Variants in UGGT2 observed in about 807,000 individuals in gnomAD.
The protein encoded by UGGT2 is UDP-glucose:glycoprotein glucosyltransferase 2.
Under a neutral mutation model 192.1 loss-of-function variants are expected in UGGT2, and 180 were observed. The ratio of observed to expected loss-of-function variants is 0.94; its 90% confidence interval spans 0.83 to 1.06. The LOEUF is 1.06. Among genes scored for constraint, UGGT2 ranks in the 50% least tolerant of loss-of-function variants. The pLI is 0.00. For synonymous variants in UGGT2, 580 were observed against 591.0 expected (o/e 0.98, Z 0.27); for missense variants, 1,849 against 1,795.7 (o/e 1.03, Z -0.54).
chr13:95,954,050 G>A (rs2050143468), intron 12 of UGGT2, among the ~76,000 whole-genome samples: 1 of 152,100 alleles, frequency 6.6e-6, no homozygotes, highest in Non-Finnish European at 1.5e-5. Flanking sequence ...CTTTTTCAGT[G>A]CTCACATGAT....
intron 31 of UGGT2, 163 bp downstream of exon 31, chr13:95,863,466 T>C: frequency 1.7e-6 from 1 of 581,222 alleles, no homozygotes; most frequent in Non-Finnish European, 3.1e-6. Context: ...CTTATAGCTC[T>C]AGTTTCCTAT....
At chr13:95,887,320 CA>C (rs775704336) in intron 26 of UGGT2, 2 of 514,814 alleles carry the variant, frequency 3.9e-6, no homozygotes, top group Non-Finnish European at 7.7e-6. Flanking sequence ...ATATTCCCAT[CA>C]ATAAGAATGG....
At chr13:95,948,218 TACACACACACAC>T (rs149949392) in intron 13 of UGGT2, 137 bp from the exon 14 acceptor site, 7 of 317,714 alleles carry the variant, frequency 2.2e-5, no homozygotes, top group African/African-American at 4.5e-5. Flanking sequence ...TTCTAAGGAA[TACACACACACAC>T]ACACACACAC....
intron 9 of UGGT2, chr13:95,985,270 G>C: frequency 7.8e-7 from 1 of 1,282,158 alleles, no homozygotes. Context: ...TTATATAAAT[G>C]ACGACTTCTC....
chr13:95,975,961 T>C (rs1481918988), intron 10 of UGGT2, among the ~76,000 whole-genome samples: 1 of 152,174 alleles, frequency 6.6e-6, no homozygotes, highest in East Asian at 1.9e-4. Flanking sequence ...TTTCTTAATG[T>C]AGGGGACATT....
chr13:95,973,906 A>C (rs1434595180), intron 10 of UGGT2, among the ~76,000 whole-genome samples: 1 of 152,226 alleles, frequency 6.6e-6, no homozygotes, highest in Admixed American at 6.5e-5. Context: ...TGTCACCTAT[A>C]AAGTGCTCAC....
chr13:96,034,038 G>A (rs886649598), intron 1 of UGGT2, among the ~76,000 whole-genome samples: 112 of 152,214 alleles, frequency 7.4e-4, no homozygotes, highest in African/African-American at 2.6e-3. Flanking sequence ...TTTTTGTCCC[G>A]GCCTACCCAG....
intron 1 of UGGT2, among the ~76,000 whole-genome samples, chr13:96,047,998 T>G (rs574582909): frequency 6.6e-6 from 1 of 152,278 alleles, no homozygotes; most frequent in East Asian, 1.9e-4. Flanking sequence ...AATAGACATC[T>G]ACAGAACTCT....
chr13:95,908,519 C>T (rs1055251807), intron 20 of UGGT2, among the ~76,000 whole-genome samples: 13 of 152,270 alleles, frequency 8.5e-5, no homozygotes, highest in African/African-American at 3.1e-4. Flanking sequence ...TGAGGAATCG[C>T]CACACTGACT....
At chr13:95,814,270 C>T (rs758487589) in intron 38 of UGGT2, among the ~76,000 whole-genome samples, 7 of 152,236 alleles carry the variant, frequency 4.6e-5, no homozygotes, top group Non-Finnish European at 1.0e-4. Flanking sequence ...AGGCACTCAA[C>T]TCTAGCCTGT....
At chr13:95,903,841 G>C (rs2048186414) in intron 20 of UGGT2, among the ~76,000 whole-genome samples, 1 of 152,100 alleles carries the variant, frequency 6.6e-6, no homozygotes, top group Non-Finnish European at 1.5e-5. Context: ...ATAACAAACA[G>C]TTCCATTACC....
At position 95,983,847 on chromosome 13, in the gene UGGT2, G is replaced by A; in HGVS notation, c.1049C>T (p.Ala350Val). 4 of 1,566,722 alleles carry A rather than the reference G, an allele frequency of 2.6e-6. No homozygotes were observed. In the South Asian group the frequency reaches 3.6e-5, roughly 14 times the overall value. ...PIKARSLTRIAVNQHMREEIK... is the reference protein window; with the variant it reads ...PIKARSLTRIVVNQHMREEIK... The stretch of plus-strand genomic sequence containing the variant: ...TTCTTCTCTCATATGTTGATTTACA[G>A]CAATTCTGGTTAGAGATCTGGAAAA... Residue 350 changes from alanine to valine, a missense_variant, in exon 10 of 39, where the codon GCT becomes GTT. Coordinates refer to ENST00000376747, the MANE Select transcript of UGGT2 (RefSeq NM_020121.4).
At chr13:95,949,865 TA>T (rs763401074) in intron 12 of UGGT2, among the ~76,000 whole-genome samples, 59 of 152,276 alleles carry the variant, frequency 3.9e-4, no homozygotes, top group Admixed American at 7.2e-4. Flanking sequence ...AATTAAATTA[TA>T]AAATCAACAT....
At chr13:95,931,458 G>A (rs1289805754) in intron 17 of UGGT2, among the ~76,000 whole-genome samples, 1 of 151,962 alleles carries the variant, frequency 6.6e-6, no homozygotes, top group East Asian at 1.9e-4. Flanking sequence ...CCCTTGAGCG[G>A]TCAATGGGAC....
At chr13:95,981,643 CT>C (rs574774989) in intron 10 of UGGT2, among the ~76,000 whole-genome samples, 1 of 152,102 alleles carries the variant, frequency 6.6e-6, no homozygotes, top group African/African-American at 2.4e-5. Context: ...ATTATTACTT[CT>C]TTTTTCGGTG....
intron 5 of UGGT2, among the ~76,000 whole-genome samples, chr13:96,005,725 A>G (rs1475290044): frequency 6.6e-6 from 1 of 152,214 alleles, no homozygotes; most frequent in African/African-American, 2.4e-5. Context: ...TTGGAACATC[A>G]GAGAATATCC....
intron 8 of UGGT2, among the ~76,000 whole-genome samples, chr13:95,986,696 A>T (rs959732700): frequency 2.6e-5 from 4 of 152,102 alleles, no homozygotes; most frequent in Non-Finnish European, 5.9e-5. Flanking sequence ...GATATATGAA[A>T]AGAAATGCTC....
chr13:96,034,579 T>C (rs1458516162), intron 1 of UGGT2, among the ~76,000 whole-genome samples: 2 of 152,204 alleles, frequency 1.3e-5, no homozygotes, highest in Non-Finnish European at 2.9e-5. Flanking sequence ...GCTGCAGCCC[T>C]TTGGGGAGCC....
chr13:96,043,279 T>C (rs1163861744), intron 1 of UGGT2, among the ~76,000 whole-genome samples: 1 of 152,104 alleles, frequency 6.6e-6, no homozygotes, highest in Non-Finnish European at 1.5e-5. Context: ...TCTTCATAAA[T>C]GAAGGAAAGA....
Sources: gnomAD v4.1 joint callset for allele counts (sites outside exome capture counted in the v4.1 genomes callset) on GRCh38, gnomAD v4.1.1 for gene constraint, MANE v1.5 for transcripts, NCBI Gene and HGNC (gene_info 2026-07-23, HGNC 2026-07-21) for gene names.